The following ELAPOR1 variants were observed in gnomAD, a reference collection of about 807,000 sequenced individuals.
ELAPOR1 encodes the protein endosome-lysosome associated apoptosis and autophagy regulator 1.
In ELAPOR1, 77 loss-of-function variants were observed where a neutral mutation model predicts 119.7. The observed-to-expected ratio is 0.64, with a 90% confidence interval of 0.54 to 0.78. The LOEUF (loss-of-function observed/expected upper bound fraction) is 0.78. Among genes scored for constraint, ELAPOR1 ranks in the 30% least tolerant of loss-of-function variants. The probability of loss-of-function intolerance (pLI) is 0.00; values close to 1 mark genes in which losing one functional copy is unlikely to be tolerated. For missense variants in ELAPOR1, 1,115 were observed against 1,270.4 expected, an observed-to-expected ratio of 0.88 and a Z score of 1.86; for synonymous variants, 481 against 487.2, an observed-to-expected ratio of 0.99 and a Z score of 0.17.
intron 16 of ELAPOR1, 86 bp from the exon 17 acceptor site, chr1:109,197,893 T>C: frequency 2.5e-6 from 3 of 1,204,644 alleles, no homozygotes; most frequent in South Asian, 2.5e-5. Flanking sequence ...TGAAGTGAGG[T>C]TGGATGTTGA....
At chr1:109,174,014 CA>C (rs1408398872) in intron 7 of ELAPOR1, among the ~76,000 whole-genome samples, 177 bp downstream of exon 7, 1 of 111,936 alleles carries the variant, frequency 8.9e-6, no homozygotes, top group African/African-American at 4.0e-5. Context: ...ATCACTTTGT[CA>C]TTTTTTTTTT....
At chr1:109,149,390 TG>T (rs1650389022) in intron 1 of ELAPOR1, among the ~76,000 whole-genome samples, 1 of 151,990 alleles carries the variant, frequency 6.6e-6, no homozygotes, top group South Asian at 2.1e-4. Flanking sequence ...CTCAGTTTTG[TG>T]GGGGAGAGCT....
At chr1:109,152,952 C>CAAAAAA in intron 1 of ELAPOR1, among the ~76,000 whole-genome samples, 1 of 102,394 alleles carries the variant, frequency 9.8e-6, no homozygotes, top group Non-Finnish European at 1.8e-5. Flanking sequence ...ACCCTGTCTC[C>CAAAAAA]AAAAAAAAAA....
At chr1:109,116,745 C>CA (rs2100948045) in intron 1 of ELAPOR1, among the ~76,000 whole-genome samples, 1 of 141,640 alleles carries the variant, frequency 7.1e-6, no homozygotes, top group African/African-American at 2.7e-5. Flanking sequence ...GGCTGGAGTG[C>CA]AGTGGCATGA....
intron 1 of ELAPOR1, among the ~76,000 whole-genome samples, chr1:109,135,824 A>G (rs866644213): frequency 3.9e-5 from 6 of 152,168 alleles, no homozygotes; most frequent in Non-Finnish European, 1.5e-5. Flanking sequence ...CAAATCCTGC[A>G]GTGCCAGGCC....
At chr1:109,121,063 G>A (rs982753209) in intron 1 of ELAPOR1, among the ~76,000 whole-genome samples, 13 of 152,182 alleles carry the variant, frequency 8.5e-5, no homozygotes, top group Admixed American at 3.9e-4. Flanking sequence ...ATAACGCTTC[G>A]TATCCAGATT....
chr1:109,194,587 G>GA lies in ELAPOR1; in HGVS notation c.2117dup (p.Asn706LysfsTer4). The GA allele has an allele frequency of 1.2e-6, 2 of 1,613,832 alleles. No homozygotes were observed. The highest frequency in any genetic ancestry group is 1.7e-6 in the Non-Finnish European group (2 of 1,179,702). On this transcript the variant is annotated frameshift_variant, in exon 15 of 22. Coordinates refer to ENST00000369939, the MANE Select transcript of ELAPOR1 (RefSeq NM_020775.5). LOFTEE classifies it high-confidence loss of function. ...CATCACTTTACCCTCAGTCTCTGTG[G>GA]AAACCAGGTAAGGTATACCAGTTGA...
chr1:109,115,560 T>A (rs576631689), intron 1 of ELAPOR1, among the ~76,000 whole-genome samples: 1 of 152,202 alleles, frequency 6.6e-6, no homozygotes, highest in South Asian at 2.1e-4. Context: ...ATTATAAGAA[T>A]GAGCCACTGC....
chr1:109,204,381 A>G lies in ELAPOR1; in HGVS notation c.*1369A>G, dbSNP rs1163266978. On this transcript the variant is annotated 3_prime_UTR_variant, in exon 22 of 22. Coordinates refer to ENST00000369939, the MANE Select transcript of ELAPOR1 (RefSeq NM_020775.5). ...TTTTTAAACCTTCCACTATCACTCT[A>G]TGACACTGAAAAGAACCAGGTAAGC... 2 of 152,196 alleles carry G rather than the reference A, an allele frequency of 1.3e-5. No individual in the cohort carries two copies. The highest frequency in any genetic ancestry group is 2.9e-5 in the Non-Finnish European group (2 of 68,060). 9.4% of individuals were successfully genotyped at this position (152,196 alleles called of 1,614,324 possible).
intron 3 of ELAPOR1, among the ~76,000 whole-genome samples, chr1:109,166,449 C>G (rs148485429): frequency 6.6e-6 from 1 of 152,346 alleles, no homozygotes; most frequent in East Asian, 1.9e-4. Context: ...TCTTGGAAAG[C>G]TCAGTCCAGG....
At chr1:109,120,510 G>A (rs942633247) in intron 1 of ELAPOR1, among the ~76,000 whole-genome samples, 6 of 152,262 alleles carry the variant, frequency 3.9e-5, no homozygotes, top group African/African-American at 1.4e-4. Flanking sequence ...GGCCCTCACC[G>A]GACGCCTAAT....
At position 109,202,960 on chromosome 1, in the gene ELAPOR1, T is replaced by A. The variant is rs749114964; in HGVS notation, c.2990T>A (p.Phe997Tyr). The A allele has an allele frequency of 6.2e-7, 1 of 1,613,844 alleles. No individual in the cohort carries two copies. The highest frequency in any genetic ancestry group is 1.1e-5 in the South Asian group (1 of 90,960). ...CTCTTTCAGAGGACTCCTGATGGAT[T>A]TGACTCAGTGCCGCTGAAGACATCC... ...SFTSKRTPDGFDSVPLKTSSG... is the reference protein window; with the variant it reads ...SFTSKRTPDGYDSVPLKTSSG... Residue 997 changes from phenylalanine (F) to tyrosine (Y), a missense_variant, in exon 22 of 22, where the codon TTT (phenylalanine) becomes TAT (tyrosine). Transcript: ENST00000369939.
At chr1:109,155,632 A>G (rs1427322349) in intron 1 of ELAPOR1, among the ~76,000 whole-genome samples, 1 of 152,220 alleles carries the variant, frequency 6.6e-6, no homozygotes, top group Non-Finnish European at 1.5e-5. Context: ...TTTAATTCTA[A>G]AAGAACAGAA....
chr1:109,129,672 C>T (rs1649023703), intron 1 of ELAPOR1, among the ~76,000 whole-genome samples: 1 of 152,140 alleles, frequency 6.6e-6, no homozygotes, highest in South Asian at 2.1e-4. Flanking sequence ...CAGAGCGCAG[C>T]CTCTGGAGAC....
At chr1:109,125,829 C>A (rs2100969981) in intron 1 of ELAPOR1, among the ~76,000 whole-genome samples, 1 of 152,270 alleles carries the variant, frequency 6.6e-6, no homozygotes, top group East Asian at 1.9e-4. Context: ...GAGCAATGGA[C>A]TTTTTTTCCA....
chr1:109,134,275 C>T (rs149517765), intron 1 of ELAPOR1, among the ~76,000 whole-genome samples: 166 of 152,236 alleles, frequency 1.1e-3, no homozygotes, highest in African/African-American at 3.9e-3. Context: ...ACATTGAAGG[C>T]GACTCAATGG....
chr1:109,131,611 G>A (rs1649151572), intron 1 of ELAPOR1, among the ~76,000 whole-genome samples: 1 of 152,128 alleles, frequency 6.6e-6, no homozygotes, highest in Non-Finnish European at 1.5e-5. Context: ...GCTTGCCCTC[G>A]AGGGGTTTAC....
chr1:109,147,996 AT>A (rs36071384), intron 1 of ELAPOR1, among the ~76,000 whole-genome samples: 252 of 139,874 alleles, frequency 1.8e-3, no homozygotes, highest in African/African-American at 4.4e-3. Flanking sequence ...CGCCCGGCTA[AT>A]TTTTTTTTTT....
Position 109,187,562 on chromosome 1 carries a change from G to A in ELAPOR1, c.1042-615G>A, listed in dbSNP as rs1653132174. The stretch of plus-strand genomic sequence containing the variant: ...ACTCGATCTGAGGGCCACATGGGAA[G>A]AATGGAGCTGCCCACCTTCACCCCT... On this transcript the variant is annotated intron_variant, in intron 8 of 21. Transcript: ENST00000369939. The A allele has an allele frequency of 5.0e-6, 5 of 1,001,998 alleles. No individual in the cohort carries two copies. The South Asian group carries it at 1.9e-4, about 38-fold the overall frequency. The allele number at this position is 1,001,998 out of a possible 1,614,324, so 62.1% of individuals were successfully genotyped here.
Sources: gnomAD v4.1 joint callset for allele counts (sites outside exome capture counted in the v4.1 genomes callset) on GRCh38, gnomAD v4.1.1 for gene constraint, MANE v1.5 for transcripts, NCBI Gene and HGNC (gene_info 2026-07-23, HGNC 2026-07-21) for gene names.